Variants in ACYP2 observed in about 807,000 individuals in gnomAD.
The protein encoded by ACYP2 is acylphosphatase 2, also known as acylphosphatase-2.
ACYP2 carries 12 observed loss-of-function variants against 11.2 expected under a neutral mutation model. The observed-to-expected ratio is 1.08, with a 90% CI of 0.69 to 1.74. The LOEUF is 1.74. Among genes scored for constraint, ACYP2 ranks in the 40% most tolerant of loss-of-function variants. ACYP2 has a pLI of 0.00. For synonymous variants in ACYP2, 43 were observed against 32.2 expected (o/e 1.33, Z -1.13); for missense variants, 134 against 101.9 (o/e 1.31, Z -1.35).
At chr2:54,137,806 A>G (rs7569743) in intron 5 of ACYP2, among the ~76,000 whole-genome samples, 85,328 of 152,020 alleles carry the variant, frequency 0.56, 24,085 homozygotes, top group East Asian at 0.71. Context: ...CCAATAATGG[A>G]ATTGCCGGGT....
chr2:54,074,475 G>T (rs1249489355), intron 4 of ACYP2, among the ~76,000 whole-genome samples: 2 of 152,170 alleles, frequency 1.3e-5, no homozygotes, highest in Middle Eastern at 3.4e-3. Flanking sequence ...ATTGATTGTG[G>T]TGATGGTTGC....
At chr2:54,014,163 A>G (rs1323730408) in intron 2 of ACYP2, among the ~76,000 whole-genome samples, 1 of 149,574 alleles carries the variant, frequency 6.7e-6, no homozygotes, top group African/African-American at 2.5e-5. Flanking sequence ...CTCCGTCTGA[A>G]AAAAAAAAAG....
At chr2:54,229,765 TCCC>T (rs1478004401) in intron 6 of ACYP2, among the ~76,000 whole-genome samples, 1 of 152,134 alleles carries the variant, frequency 6.6e-6, no homozygotes, top group Non-Finnish European at 1.5e-5. Flanking sequence ...CTGTTAAGAG[TCCC>T]CCAAACAGTT....
intron 6 of ACYP2, among the ~76,000 whole-genome samples, chr2:54,235,103 A>C (rs946196744): frequency 1.3e-5 from 2 of 152,168 alleles, no homozygotes; most frequent in African/African-American, 4.8e-5. Flanking sequence ...GTATTTGTTT[A>C]ACCAACATTT....
At chr2:54,264,023 T>C (rs1396760387) in intron 6 of ACYP2, among the ~76,000 whole-genome samples, 1 of 152,156 alleles carries the variant, frequency 6.6e-6, no homozygotes, top group Non-Finnish European at 1.5e-5. Context: ...GTGTCCAGAA[T>C]TGGTTCCATC....
At chr2:54,020,450 C>G (rs1673944945) in intron 2 of ACYP2, among the ~76,000 whole-genome samples, 1 of 151,988 alleles carries the variant, frequency 6.6e-6, no homozygotes, top group South Asian at 2.1e-4. Context: ...GAAAAAAAGC[C>G]AAAAATTACA....
intron 6 of ACYP2, among the ~76,000 whole-genome samples, chr2:54,252,035 A>C (rs117007250): frequency 6.6e-6 from 1 of 152,318 alleles, no homozygotes; most frequent in African/African-American, 2.4e-5. Context: ...CTAGCATGTA[A>C]GGCTAACTTG....
Position 54,148,238 on chromosome 2 carries a change from T to C in ACYP2, c.404+9490T>C, listed in dbSNP as rs370171913. 1.9e-4 allele frequency among the ~76,000 whole-genome samples: 29 copies of C among 152,160 alleles called. No homozygotes were observed. In the East Asian group the frequency reaches 5.6e-3, roughly 29 times the overall value. On this transcript the variant is annotated intron_variant, in intron 6 of 6. Coordinates refer to ENST00000607452, the MANE Select transcript of ACYP2 (RefSeq NM_001320586.2). The stretch of plus-strand genomic sequence containing the variant: ...AAGGGAGACTGAGAAATTGGCTTGG[T>C]TTTTTGATGCCCTGAAAAAAAAATT...
intron 4 of ACYP2, among the ~76,000 whole-genome samples, chr2:54,095,348 A>G (rs1005740747): frequency 5.9e-5 from 9 of 152,216 alleles, no homozygotes; most frequent in Non-Finnish European, 8.8e-5. Context: ...CCCCACTTCT[A>G]TTCCACCAAA....
At chr2:54,279,733 G>A (rs1688763052) in intron 6 of ACYP2, among the ~76,000 whole-genome samples, 1 of 152,056 alleles carries the variant, frequency 6.6e-6, no homozygotes, top group African/African-American at 2.4e-5. Context: ...ATGAATACAT[G>A]GATGAAAACT....
chr2:53,982,846 G>GTGTA (rs2104511663), intron 2 of ACYP2, among the ~76,000 whole-genome samples: 1 of 148,876 alleles, frequency 6.7e-6, no homozygotes, highest in South Asian at 2.1e-4. Flanking sequence ...GTGTGTGTGT[G>GTGTA]TGTGTGTGTG....
At chr2:54,030,979 T>A (rs1674553323) in intron 2 of ACYP2, among the ~76,000 whole-genome samples, 1 of 152,170 alleles carries the variant, frequency 6.6e-6, no homozygotes, top group Non-Finnish European at 1.5e-5. Context: ...GCATACTCTA[T>A]GCCCTCAAGA....
intron 6 of ACYP2, among the ~76,000 whole-genome samples, chr2:54,288,615 G>C (rs1322256907): frequency 6.6e-6 from 1 of 151,994 alleles, no homozygotes; most frequent in Non-Finnish European, 1.5e-5. Context: ...TTTATAAATT[G>C]ATCTCCTAGG....
At chr2:53,979,592 A>G (rs1573433923) in intron 2 of ACYP2, among the ~76,000 whole-genome samples, 1 of 151,428 alleles carries the variant, frequency 6.6e-6, no homozygotes, top group Admixed American at 6.6e-5. Flanking sequence ...GTGCCACTGC[A>G]CTCCAGCCTG....
chr2:54,162,035 AT>A (rs1682735736), intron 6 of ACYP2, among the ~76,000 whole-genome samples: 1 of 152,024 alleles, frequency 6.6e-6, no homozygotes, highest in Admixed American at 6.6e-5. Context: ...AACCATATAG[AT>A]TCTTACTTTT....
chr2:54,145,634 A>G (rs908760134), intron 6 of ACYP2, among the ~76,000 whole-genome samples: 1 of 152,138 alleles, frequency 6.6e-6, no homozygotes, highest in Non-Finnish European at 1.5e-5. Context: ...TCATTGTTAG[A>G]GTATTTAAAG....
intron 2 of ACYP2, among the ~76,000 whole-genome samples, chr2:53,998,027 C>T (rs1013000175): frequency 2.6e-5 from 4 of 152,096 alleles, no homozygotes; most frequent in Non-Finnish European, 5.9e-5. Context: ...AACTTGTATA[C>T]ACGTGTATTT....
chr2:54,141,260 G>T (rs78346932), intron 6 of ACYP2, among the ~76,000 whole-genome samples: 1 of 151,994 alleles, frequency 6.6e-6, no homozygotes, highest in African/African-American at 2.4e-5. Flanking sequence ...TATTGGTTTC[G>T]TCTATGATAG....
chr2:54,045,938 A>C (rs752063123), intron 2 of ACYP2, among the ~76,000 whole-genome samples: 1 of 152,136 alleles, frequency 6.6e-6, no homozygotes, highest in African/African-American at 2.4e-5. Context: ...TGGGAGGCCA[A>C]GGTGGGTAGA....
Sources: allele counts gnomAD v4.1 joint callset (sites outside exome capture counted in the v4.1 genomes callset), GRCh38; gene constraint gnomAD v4.1.1; transcripts MANE v1.5; gene names NCBI Gene and HGNC (gene_info 2026-07-23, HGNC 2026-07-21).